Variants in PDE7B observed in about 807,000 individuals in gnomAD.
PDE7B encodes the protein 3',5'-cyclic-AMP phosphodiesterase 7B.
PDE7B carries 29 observed loss-of-function variants against 56.2 expected under a neutral mutation model. The observed-to-expected ratio is 0.52, with a 90% CI of 0.38 to 0.70. The LOEUF (loss-of-function observed/expected upper bound fraction) is 0.70, where lower values mean the gene tolerates loss of function less well. PDE7B is among the 30% of genes least tolerant of loss of function. PDE7B has a pLI of 0.00. For synonymous variants in PDE7B, 197 were observed against 196.9 expected, an observed-to-expected ratio of 1.00 and a Z score of 0.00; for missense variants, 490 against 565.0, an observed-to-expected ratio of 0.87 and a Z score of 1.35.
intron 8 of PDE7B, among the ~76,000 whole-genome samples, chr6:136,167,767 G>A (rs189908918): frequency 4.9e-4 from 75 of 152,286 alleles, no homozygotes; most frequent in African/African-American, 1.6e-3. Flanking sequence ...CAAGTAATTT[G>A]TTCTCTTACT....
intron 2 of PDE7B, among the ~76,000 whole-genome samples, chr6:136,005,316 A>T (rs974737800): frequency 6.6e-6 from 1 of 152,202 alleles, no homozygotes; most frequent in African/African-American, 2.4e-5. Context: ...TGTCTAAAAC[A>T]CCAAAAGCAA....
chr6:135,994,116 C>CTGTGTGTGTGTGTGTG (rs3220309), intron 2 of PDE7B, among the ~76,000 whole-genome samples: 2 of 138,636 alleles, frequency 1.4e-5, no homozygotes, highest in East Asian at 4.3e-4. Context: ...TGTATTGGAT[C>CTGTGTGTGTGTGTGTG]TGTGTGTGTG....
At chr6:136,098,115 A>G (rs1777498094) in intron 2 of PDE7B, 1 of 130,038 alleles carries the variant, frequency 7.7e-6, no homozygotes, top group African/African-American at 2.8e-5. Context: ...ATAACACAAT[A>G]TAACTCTCTT....
At chr6:135,893,860 G>C (rs1562428405) in intron 1 of PDE7B, among the ~76,000 whole-genome samples, 2 of 152,158 alleles carry the variant, frequency 1.3e-5, no homozygotes, top group African/African-American at 2.4e-5. Context: ...GAAGTGAAAA[G>C]AGAACATTTA....
In PDE7B at chr6:136,138,884, T is replaced by C. The variant is rs187736976; in HGVS notation, c.167-8467T>C. On this transcript the variant is annotated intron_variant, in intron 3 of 12. Transcript: ENST00000308191. ...CATTTTTAGGGGGAAAGACATTATA[T>C]GCTACATGTTTTAACCTACAAGGCA... Among the ~76,000 whole-genome samples the C allele has an allele frequency of 1.8e-4, 27 of 152,288 alleles. No individual in the cohort carries two copies. In the East Asian group the frequency reaches 4.6e-3, roughly 26 times the overall value.
intron 2 of PDE7B, among the ~76,000 whole-genome samples, chr6:135,964,311 G>T (rs1023331774): frequency 6.6e-6 from 1 of 151,838 alleles, no homozygotes; most frequent in African/African-American, 2.4e-5. Context: ...CACCATATTG[G>T]CCAGGCTGGT....
At chr6:136,181,107 G>A in intron 10 of PDE7B, 120 bp from the exon 11 acceptor site, 1 of 718,760 alleles carries the variant, frequency 1.4e-6, no homozygotes, top group African/African-American at 1.7e-5. Flanking sequence ...GAGGTACTCT[G>A]TAAATATGGG....
intron 2 of PDE7B, among the ~76,000 whole-genome samples, chr6:136,014,471 G>A (rs1775942683): frequency 1.3e-5 from 2 of 152,098 alleles, no homozygotes; most frequent in Admixed American, 1.3e-4. Flanking sequence ...GCAAGTTTTT[G>A]TAGAACTATT....
intron 8 of PDE7B, among the ~76,000 whole-genome samples, chr6:136,169,031 T>C (rs1425414416): frequency 6.6e-6 from 1 of 151,942 alleles, no homozygotes; most frequent in Non-Finnish European, 1.5e-5. Context: ...AGAGCTTAGG[T>C]TTGAGTCTGC....
intron 1 of PDE7B, among the ~76,000 whole-genome samples, chr6:135,944,110 G>A (rs1170848948): frequency 6.6e-6 from 1 of 152,180 alleles, no homozygotes; most frequent in African/African-American, 2.4e-5. Context: ...ATCCTGGTGA[G>A]CAGCACCAGG....
intron 2 of PDE7B, among the ~76,000 whole-genome samples, chr6:136,053,468 T>C (rs1328125737): frequency 6.6e-6 from 1 of 152,112 alleles, no homozygotes; most frequent in Non-Finnish European, 1.5e-5. Flanking sequence ...TTGCTGGACA[T>C]TTGGGTTGGT....
At position 135,872,443 on chromosome 6, in the gene PDE7B, AT is replaced by A. The variant is rs540324154; in HGVS notation, c.21+20425del. Among the ~76,000 whole-genome samples, 266 of 152,302 alleles carry A rather than the reference AT, an allele frequency of 1.7e-3. 2 individuals are homozygous for A. Among genetic ancestry groups the A allele is most frequent in the African/African-American group, 6.0e-3 (250 of 41,574 alleles). ...TTTCACATAAGACACTGCAAAAAAA[AT>A]CATACAGAAAAGATATATTTGAGCT... On this transcript the variant is annotated intron_variant, in intron 1 of 12. Coordinates refer to ENST00000308191, the MANE Select transcript of PDE7B (RefSeq NM_018945.4).
intron 1 of PDE7B, among the ~76,000 whole-genome samples, chr6:135,907,769 T>G (rs115662652): frequency 1.3e-5 from 2 of 152,128 alleles, no homozygotes; most frequent in Non-Finnish European, 2.9e-5. Context: ...TAAAACTTAT[T>G]GAATAAACAG....
intron 2 of PDE7B, among the ~76,000 whole-genome samples, chr6:135,979,113 T>A (rs1402390035): frequency 6.6e-6 from 1 of 151,954 alleles, no homozygotes; most frequent in East Asian, 1.9e-4. Flanking sequence ...TCAAAGGCCT[T>A]TTCTGCATCT....
intron 1 of PDE7B, among the ~76,000 whole-genome samples, chr6:135,942,516 C>G (rs954279221): frequency 1.3e-5 from 2 of 152,124 alleles, no homozygotes; most frequent in African/African-American, 2.4e-5. Context: ...AATCTACTCT[C>G]TTAGCAATTT....
chr6:136,050,476 A>G (rs1776604493), intron 2 of PDE7B, among the ~76,000 whole-genome samples: 1 of 152,000 alleles, frequency 6.6e-6, no homozygotes, highest in Non-Finnish European at 1.5e-5. Context: ...GTTATATGTA[A>G]GAGAGATAGA....
chr6:136,160,546 A>G (rs950838990), intron 8 of PDE7B, among the ~76,000 whole-genome samples: 1 of 152,160 alleles, frequency 6.6e-6, no homozygotes, highest in Non-Finnish European at 1.5e-5. Flanking sequence ...AGGGCACACC[A>G]GCATCATCCT....
intron 1 of PDE7B, among the ~76,000 whole-genome samples, chr6:135,919,958 A>C (rs929816744): frequency 6.6e-6 from 1 of 152,164 alleles, no homozygotes; most frequent in Non-Finnish European, 1.5e-5. Context: ...CTTCACAAGA[A>C]ATCTTTAAAG....
chr6:136,048,593 G>C (rs1776563275), intron 2 of PDE7B, among the ~76,000 whole-genome samples: 1 of 152,116 alleles, frequency 6.6e-6, no homozygotes, highest in South Asian at 2.1e-4. Context: ...CTGGGGGTCA[G>C]GTTGCCATTG....
Sources: allele counts gnomAD v4.1 joint callset (sites outside exome capture counted in the v4.1 genomes callset), GRCh38; gene constraint gnomAD v4.1.1; transcripts MANE v1.5; gene names NCBI Gene and HGNC (gene_info 2026-07-23, HGNC 2026-07-21).